MYH11: variants seen among roughly 807,000 people sequenced by gnomAD.
The protein encoded by MYH11 is myosin heavy chain 11.
Under a neutral mutation model 246.6 loss-of-function variants are expected in MYH11, and 80 were observed. The ratio of observed to expected loss-of-function variants is 0.32; its 90% CI spans 0.27 to 0.39. The LOEUF is 0.39. MYH11 is among the 10% of genes least tolerant of loss of function. The probability of loss-of-function intolerance (pLI) is 1.00; values close to 1 mark genes in which losing one functional copy is unlikely to be tolerated. For synonymous variants in MYH11, 1,071 were observed against 1,015.5 expected (o/e 1.05, Z -1.04); for missense variants, 2,158 against 2,546.8 (o/e 0.85, Z 3.29).
chr16:15,715,344 G>T, intron 38 of MYH11, 72 bp from the exon 39 acceptor site: 1 of 1,479,586 alleles, frequency 6.8e-7, no homozygotes, highest in Non-Finnish European at 9.4e-7. Context: ...GTCACCTGGA[G>T]GTGGCATCTT....
At chr16:15,704,184 T>C (rs2039329372) in intron 40 of MYH11, 61 bp from the exon 41 acceptor site, 2 of 1,596,812 alleles carry the variant, frequency 1.3e-6, no homozygotes, top group African/African-American at 2.7e-5. Flanking sequence ...GGATAGATTT[T>C]TTATAAATCT....
intron 3 of MYH11, among the ~76,000 whole-genome samples, chr16:15,799,899 G>T (rs1567183946): frequency 6.6e-6 from 1 of 152,266 alleles, no homozygotes; most frequent in South Asian, 2.1e-4. Context: ...AATTATGCTT[G>T]TTAGATGGAT....
chr16:15,796,030 C>G (rs1305516965), intron 4 of MYH11, among the ~76,000 whole-genome samples: 2 of 152,034 alleles, frequency 1.3e-5, no homozygotes, highest in African/African-American at 4.8e-5. Context: ...AGGAAGCAAG[C>G]AAGCAATGGG....
intron 12 of MYH11, 150 bp from the exon 13 acceptor site, chr16:15,758,150 A>G: frequency 8.7e-7 from 1 of 1,155,486 alleles, no homozygotes; most frequent in Non-Finnish European, 1.3e-6. Flanking sequence ...TGAGGCCCCA[A>G]AACATGCTGC....
At chr16:15,742,371 C>T (rs2041298400) in intron 20 of MYH11, among the ~76,000 whole-genome samples, 1 of 152,230 alleles carries the variant, frequency 6.6e-6, no homozygotes, top group Admixed American at 6.5e-5. Context: ...CATTTCCTTC[C>T]TGGCTCTTTT....
chr16:15,811,805 G>C (rs2043144451), intron 3 of MYH11, among the ~76,000 whole-genome samples: 1 of 152,142 alleles, frequency 6.6e-6, no homozygotes, highest in Admixed American at 6.6e-5. Flanking sequence ...GCTGATAAAG[G>C]CTGGCTGTTA....
chr16:15,855,335 T>C (rs907965805), intron 1 of MYH11, among the ~76,000 whole-genome samples: 1 of 152,210 alleles, frequency 6.6e-6, no homozygotes, highest in African/African-American at 2.4e-5. Context: ...AAAGTCAGTT[T>C]ATGTTTTCTT....
rs773010624 is a variant in MYH11 at position 15,735,539 on chromosome 16, C to T, written c.3333G>A (p.Lys1111=). The part of the protein sequence containing the change: ...DEIAQKNNAL[K]KIRELEGHIS... ...TGTGGCCCTCCAGCTCCCGGATCTT[C>T]TTCAGGGCATTGTTCTTCTGAGCGA... The change falls in exon 26 of 41, where the codon AAG becomes AAA. Residue 1111 remains lysine, a synonymous_variant. Transcript: ENST00000300036. 3 of 1,614,224 alleles carry T rather than the reference C, an allele frequency of 1.9e-6. No homozygotes were observed. Among genetic ancestry groups the T allele is most frequent in the Non-Finnish European group, 2.5e-6 (3 of 1,180,052 alleles).
intron 35 of MYH11, 51 bp downstream of exon 35, chr16:15,719,534 T>C (rs377312004): frequency 1.8e-5 from 29 of 1,611,720 alleles, no homozygotes; most frequent in Non-Finnish European, 2.3e-5. Flanking sequence ...TGCCAAGGGG[T>C]GCTACCGTGA....
At chr16:15,771,435 CTTT>C (rs200813930) in intron 9 of MYH11, 131 bp downstream of exon 9, 12,421 of 692,696 alleles carry the variant, frequency 0.018, no homozygotes, top group South Asian at 0.026. Context: ...CATTTTCCTC[CTTT>C]TTTTTTTTTT....
At chr16:15,706,446 C>A (rs1195555074) in intron 40 of MYH11, among the ~76,000 whole-genome samples, 2 of 152,188 alleles carry the variant, frequency 1.3e-5, no homozygotes, top group Non-Finnish European at 2.9e-5. Flanking sequence ...CGACTCATGC[C>A]TGTAATCCCA....
intron 1 of MYH11, among the ~76,000 whole-genome samples, 193 bp from the exon 2 acceptor site, chr16:15,838,462 G>A (rs990456260): frequency 6.6e-6 from 1 of 152,088 alleles, no homozygotes. Flanking sequence ...GTGTGTCATC[G>A]CCTAAAATAC....
intron 6 of MYH11, 58 bp downstream of exon 6, chr16:15,782,327 C>G: frequency 3.4e-6 from 5 of 1,464,436 alleles, no homozygotes; most frequent in South Asian, 1.1e-5. Context: ...CTCTGCAGCC[C>G]CAGGCAGGAG....
At chr16:15,782,678 T>C in intron 5 of MYH11, 2 of 581,372 alleles carry the variant, frequency 3.4e-6, no homozygotes, top group Non-Finnish European at 6.2e-6. Flanking sequence ...CTCTAATAGC[T>C]AGGACATCTG....
intron 1 of MYH11, among the ~76,000 whole-genome samples, chr16:15,848,446 C>T (rs963478948): frequency 2.0e-5 from 3 of 152,068 alleles, no homozygotes; most frequent in Admixed American, 6.6e-5. Context: ...ATTGGCCAGG[C>T]TGGTCTTGAA....
chr16:15,838,388 GACCTGCAGTATTGTGTATGTGGTCA>G (rs1037371037), intron 1 of MYH11, 119 bp from the exon 2 acceptor site: 2 of 780,844 alleles, frequency 2.6e-6, no homozygotes, highest in Non-Finnish European at 4.4e-6. Flanking sequence ...CAAGTACAAA[GACCTGCAGTATTGTGTATGTGGTCA>G]AAGAACAGAG....
chr16:15,849,901 G>A (rs1484184651), intron 1 of MYH11, among the ~76,000 whole-genome samples: 1 of 152,060 alleles, frequency 6.6e-6, no homozygotes, highest in Non-Finnish European at 1.5e-5. Flanking sequence ...TTCATTTAGG[G>A]AAAATAAATC....
At chr16:15,809,275 T>C (rs967180915) in intron 3 of MYH11, among the ~76,000 whole-genome samples, 3 of 152,190 alleles carry the variant, frequency 2.0e-5, no homozygotes, top group Non-Finnish European at 4.4e-5. Context: ...ATCACATCTG[T>C]AATTCCAGCA....
rs1555569336 is a variant in MYH11 at position 15,788,077 on chromosome 16, C to CTTTTTTT, written c.531-1352_531-1346dup. Among the ~76,000 whole-genome samples the CTTTTTTT allele has an allele frequency of 1.6e-4, 9 of 55,372 alleles. 1 individual carries two copies. Among genetic ancestry groups the CTTTTTTT allele is most frequent in the Non-Finnish European group, 2.2e-4 (6 of 27,354 alleles). The allele number at this position is 55,372 out of a possible 152,430, so 36.3% of individuals were successfully genotyped here. ...GTCCTCCTGGAATATGAAGGTAGAT[C>CTTTTTTT]TTTTTTTTTTTTTTTTTTACCAAGA... is the stretch of plus-strand genomic sequence containing the variant. On this transcript the variant is annotated intron_variant, in intron 4 of 40. Transcript: ENST00000300036.
Sources: allele counts gnomAD v4.1 joint callset (sites outside exome capture counted in the v4.1 genomes callset), GRCh38; gene constraint gnomAD v4.1.1; transcripts MANE v1.5; gene names NCBI Gene and HGNC (gene_info 2026-07-23, HGNC 2026-07-21).